NAALADL2: variants seen among roughly 807,000 people sequenced by gnomAD.
The protein encoded by NAALADL2 is N-acetylated alpha-linked acidic dipeptidase like 2, also known as inactive N-acetylated-alpha-linked acidic dipeptidase-like protein 2.
Under a neutral mutation model 87.2 loss-of-function variants are expected in NAALADL2, and 76 were observed. That is an observed-to-expected ratio of 0.87 (90% CI 0.72 to 1.05). The LOEUF is 1.05. NAALADL2 is among the 50% of genes least tolerant of loss of function. The pLI is 0.00. For synonymous variants in NAALADL2, 354 were observed against 331.0 expected, an observed-to-expected ratio of 1.07 and a Z score of -0.75; for missense variants, 1,089 against 945.8, an observed-to-expected ratio of 1.15 and a Z score of -1.99.
rs1754493574 is a variant in NAALADL2, at chr3:175,804,062, T to C, written c.*859T>C. 1 of 151,934 alleles carries C rather than the reference T, an allele frequency of 6.6e-6. No homozygotes were observed. The highest frequency in any genetic ancestry group is 6.6e-5 in the Admixed American group (1 of 15,204). 9.4% of individuals were successfully genotyped at this position (151,934 alleles called of 1,614,324 possible). A position where few individuals can be genotyped will look rare whatever the true frequency, so the allele number is the denominator to read the frequency against. On this transcript the variant is annotated 3_prime_UTR_variant, in exon 14 of 14. Coordinates refer to ENST00000454872, the MANE Select transcript of NAALADL2 (RefSeq NM_207015.3). ...AGCATCTCACATTGGTTTTCTTTCTTGTATCTTTTCTGAAACTCCTTGCTG... is the reference window on the plus strand; with the variant it reads ...AGCATCTCACATTGGTTTTCTTTCTCGTATCTTTTCTGAAACTCCTTGCTG...
chr3:174,505,444 C>CA, intron 1 of NAALADL2, among the ~76,000 whole-genome samples: 1 of 152,256 alleles, frequency 6.6e-6, no homozygotes, highest in Non-Finnish European at 1.5e-5. Flanking sequence ...AAGAAAATGC[C>CA]AGAGAAGGTT....
intron 1 of NAALADL2, among the ~76,000 whole-genome samples, chr3:175,031,507 T>A (rs1274634685): frequency 2.0e-5 from 3 of 152,122 alleles, no homozygotes; most frequent in African/African-American, 4.8e-5. Flanking sequence ...ATTTTCTTTA[T>A]ACAATTGACC....
intron 2 of NAALADL2, among the ~76,000 whole-genome samples, chr3:174,613,334 G>T (rs1471217039): frequency 6.6e-6 from 1 of 152,136 alleles, no homozygotes; most frequent in Non-Finnish European, 1.5e-5. Flanking sequence ...AGATTGACAA[G>T]CCAGCCAGGC....
At chr3:175,486,940 C>G (rs912735545) in intron 9 of NAALADL2, among the ~76,000 whole-genome samples, 4 of 152,146 alleles carry the variant, frequency 2.6e-5, no homozygotes, top group Non-Finnish European at 4.4e-5. Context: ...CTTATCCCAT[C>G]TAAGATGATT....
Position 174,611,503 on chromosome 3 carries a change from C to T in NAALADL2, c.-115+60866C>T, listed in dbSNP as rs547733383. 5.9e-5 allele frequency among the ~76,000 whole-genome samples: 9 copies of T among 152,180 alleles called. No homozygotes were observed. The South Asian group carries it at 1.7e-3, about 28-fold the overall frequency. ...TTCTAATTACGGTAGGAATAGTGTA[C>T]ATACCACGGATACAGTGTTACAATA... On this transcript the variant is annotated intron_variant, in intron 2 of 3. Coordinates refer to the NAALADL2 transcript ENST00000434257.
chr3:174,850,385 C>T (rs1725114583), intron 3 of NAALADL2, among the ~76,000 whole-genome samples: 1 of 151,958 alleles, frequency 6.6e-6, no homozygotes, highest in African/African-American at 2.4e-5. Context: ...AAGAAACTCA[C>T]CTCACATATA....
intron 3 of NAALADL2, among the ~76,000 whole-genome samples, chr3:174,739,043 G>A (rs1733501390): frequency 6.6e-6 from 1 of 152,086 alleles, no homozygotes; most frequent in South Asian, 2.1e-4. Flanking sequence ...TTTATCAACA[G>A]TCTAACGAAA....
intron 5 of NAALADL2, among the ~76,000 whole-genome samples, chr3:175,424,204 A>C (rs1356959076): frequency 6.6e-6 from 1 of 152,120 alleles, no homozygotes; most frequent in Non-Finnish European, 1.5e-5. Context: ...CCCATTCTGT[A>C]GGTTGCCTGT....
At chr3:174,900,949 T>G (rs1188744433) in intron 1 of NAALADL2, among the ~76,000 whole-genome samples, 3 of 152,150 alleles carry the variant, frequency 2.0e-5, no homozygotes, top group Non-Finnish European at 2.9e-5. Flanking sequence ...ATTGAAAATA[T>G]AATTTTGCAA....
intron 9 of NAALADL2, among the ~76,000 whole-genome samples, chr3:175,537,100 A>G (rs949300255): frequency 1.3e-5 from 2 of 152,234 alleles, no homozygotes; most frequent in Admixed American, 6.5e-5. Flanking sequence ...AAAAATAGGC[A>G]CTATTATTAT....
chr3:174,844,865 G>GTTTTT (rs1724426519), intron 3 of NAALADL2, among the ~76,000 whole-genome samples: 2 of 74,944 alleles, frequency 2.7e-5, no homozygotes, highest in African/African-American at 6.1e-5. Context: ...TTTTTTTTGG[G>GTTTTT]GGAGTCTTTA....
intron 2 of NAALADL2, among the ~76,000 whole-genome samples, chr3:174,671,940 G>GATGATGATT (rs1726580169): frequency 6.6e-6 from 1 of 151,786 alleles, no homozygotes; most frequent in Non-Finnish European, 1.5e-5. Context: ...TGATGATGAT[G>GATGATGATT]ATGATGATGA....
intron 2 of NAALADL2, among the ~76,000 whole-genome samples, chr3:174,572,867 A>G (rs1295038445): frequency 1.3e-5 from 2 of 152,314 alleles, no homozygotes; most frequent in East Asian, 3.9e-4. Context: ...TTTTCTGTGT[A>G]TATTATCTCA....
At chr3:175,205,383 G>A (rs1311426464) in intron 2 of NAALADL2, among the ~76,000 whole-genome samples, 1 of 152,142 alleles carries the variant, frequency 6.6e-6, no homozygotes, top group Non-Finnish European at 1.5e-5. Flanking sequence ...TGGGATAACT[G>A]GCAAGCCACA....
chr3:175,113,574 A>G (rs1214192338), intron 2 of NAALADL2, among the ~76,000 whole-genome samples: 1 of 151,458 alleles, frequency 6.6e-6, no homozygotes. Flanking sequence ...GTTGCAGGAG[A>G]CATGAGACCC....
At chr3:175,706,811 T>A (rs1415733720) in intron 11 of NAALADL2, among the ~76,000 whole-genome samples, 1 of 152,072 alleles carries the variant, frequency 6.6e-6, no homozygotes, top group Non-Finnish European at 1.5e-5. Context: ...CTGAGCCTTG[T>A]CTAGTCACCT....
rs373618099 is a variant in NAALADL2, at chr3:175,787,482, C to T, written c.2190-15523C>T. The stretch of plus-strand genomic sequence containing the variant: ...TGGGAGTGACCCGATTTTCCAGGTG[C>T]GTCCGTCACCCCTTTCTTTGACTCG... On this transcript the variant is annotated intron_variant, in intron 13 of 13. Coordinates refer to ENST00000454872, the MANE Select transcript of NAALADL2 (RefSeq NM_207015.3). Among the ~76,000 whole-genome samples, 57 of 152,310 alleles carry T rather than the reference C, an allele frequency of 3.7e-4. 2 individuals carry two copies. The East Asian group carries it at 8.7e-3, about 23-fold the overall frequency.
chr3:174,478,298 C>T (rs1717338092), intron 1 of NAALADL2, among the ~76,000 whole-genome samples: 1 of 152,102 alleles, frequency 6.6e-6, no homozygotes, highest in African/African-American at 2.4e-5. Flanking sequence ...GATAACAAGA[C>T]TTTCACCTAG....
At position 175,777,827 on chromosome 3, in the gene NAALADL2, T is replaced by C. The variant is rs535341903; in HGVS notation, c.2189+22409T>C. The stretch of plus-strand genomic sequence containing the variant: ...TCAGTAGCTGGATCTCCTCCCATAC[T>C]CCAAGTCAGAAAATGTAGAACTTTT... On this transcript the variant is annotated intron_variant, in intron 13 of 13. Coordinates refer to ENST00000454872, the MANE Select transcript of NAALADL2 (RefSeq NM_207015.3). Among the ~76,000 whole-genome samples, 12 of 152,282 alleles carry C rather than the reference T, an allele frequency of 7.9e-5. No individual in the cohort carries two copies. In the South Asian group the frequency reaches 2.5e-3, roughly 32 times the overall value.
Sources: gnomAD v4.1 joint callset for allele counts (sites outside exome capture counted in the v4.1 genomes callset) on GRCh38, gnomAD v4.1.1 for gene constraint, MANE v1.5 for transcripts, NCBI Gene and HGNC (gene_info 2026-07-23, HGNC 2026-07-21) for gene names.